Variants in ZNF704 observed in about 807,000 individuals in gnomAD.
The protein encoded by ZNF704 is glucocorticoid induced gene 1.
Under a neutral mutation model 44.7 loss-of-function variants are expected in ZNF704, and 10 were observed. The observed-to-expected ratio is 0.22, with a 90% CI of 0.14 to 0.38. ZNF704 has a LOEUF of 0.38. ZNF704 is among the 10% of genes least tolerant of loss of function. ZNF704 has a pLI of 1.00. For synonymous variants in ZNF704, 211 were observed against 207.6 expected (o/e 1.02, Z -0.14); for missense variants, 390 against 545.5 (o/e 0.71, Z 2.84).
At chr8:80,732,917 G>GCACT (rs1041848709) in intron 2 of ZNF704, among the ~76,000 whole-genome samples, 5 of 138,662 alleles carry the variant, frequency 3.6e-5, no homozygotes. Flanking sequence ...TTGCACCACT[G>GCACT]CACTCCGGCC....
chr8:80,803,193 A>C (rs1293988050), intron 2 of ZNF704, among the ~76,000 whole-genome samples: 1 of 152,184 alleles, frequency 6.6e-6, no homozygotes, highest in Non-Finnish European at 1.5e-5. Context: ...AGAGGACACT[A>C]AACAAATGGA....
At chr8:80,875,407 C>A (rs1020190815), upstream of ZNF704, among the ~76,000 whole-genome samples, 8 of 152,058 alleles carry the variant, frequency 5.3e-5, no homozygotes, top group Non-Finnish European at 1.2e-4. Context: ...TGGGTTCAAG[C>A]GATTCTCCTG....
intron 2 of ZNF704, among the ~76,000 whole-genome samples, chr8:80,697,884 T>C (rs1005108772): frequency 6.6e-6 from 1 of 152,198 alleles, no homozygotes; most frequent in South Asian, 2.1e-4. Flanking sequence ...GTAAGGCAGG[T>C]ATATTATTTT....
At chr8:80,823,158 T>C (rs1808308301) in intron 1 of ZNF704, among the ~76,000 whole-genome samples, 1 of 152,146 alleles carries the variant, frequency 6.6e-6, no homozygotes, top group African/African-American at 2.4e-5. Context: ...GGTCAGGGAA[T>C]TCCCTTTCCT....
intron 2 of ZNF704, among the ~76,000 whole-genome samples, chr8:80,741,150 A>G (rs1339550769): frequency 2.0e-5 from 3 of 152,358 alleles, no homozygotes; most frequent in Admixed American, 6.5e-5. Flanking sequence ...TCTGCCGAAT[A>G]TGGATTCCCA....
intron 2 of ZNF704, among the ~76,000 whole-genome samples, chr8:80,734,483 A>G (rs546523171): frequency 4.6e-5 from 7 of 152,364 alleles, no homozygotes; most frequent in African/African-American, 1.4e-4. Context: ...ACTGTTCAGT[A>G]TAATACTGAA....
At chr8:80,754,478 G>A (rs1278795728) in intron 2 of ZNF704, among the ~76,000 whole-genome samples, 20 of 152,150 alleles carry the variant, frequency 1.3e-4, no homozygotes, top group Admixed American at 1.0e-3. Context: ...TTAAAATTAC[G>A]AAATGATATG....
intron 2 of ZNF704, among the ~76,000 whole-genome samples, chr8:80,759,098 G>GTATCTATCATGAA (rs1223957918): frequency 6.6e-6 from 1 of 152,132 alleles, no homozygotes; most frequent in Non-Finnish European, 1.5e-5. Context: ...TCAGCACTTA[G>GTATCTATCATGAA]TATCTATCAT....
At chr8:80,680,801 G>T (rs73691999) in intron 4 of ZNF704, among the ~76,000 whole-genome samples, 1 of 152,028 alleles carries the variant, frequency 6.6e-6, no homozygotes, top group East Asian at 1.9e-4. Context: ...TGAGAGTAGA[G>T]ATTTTGGATC....
intron 2 of ZNF704, among the ~76,000 whole-genome samples, chr8:80,798,008 A>C (rs1807835706): frequency 6.6e-6 from 1 of 152,172 alleles, no homozygotes; most frequent in Non-Finnish European, 1.5e-5. Context: ...TACTGCTTCA[A>C]CATTTCTTCT....
At position 80,630,138 on chromosome 8, in the gene ZNF704, T is replaced by G. The variant is rs901017309; in HGVS notation, c.*11228A>C. 3.9e-5 allele frequency: 6 copies of G among 152,250 alleles called. No homozygotes were observed. Among genetic ancestry groups the G allele is most frequent in the African/African-American group, 1.4e-4 (6 of 41,464 alleles). 9.4% of individuals were successfully genotyped at this position (152,250 alleles called of 1,614,324 possible). On this transcript the variant is annotated 3_prime_UTR_variant, in exon 9 of 9. Coordinates refer to ENST00000327835, the MANE Select transcript of ZNF704 (RefSeq NM_001033723.3). ...GTGGTAGGTAGCTATGAAAAAAATT[T>G]ACTTGGATTCGATACAAAATACATG...
At chr8:80,703,175 A>G (rs1390490149) in intron 2 of ZNF704, among the ~76,000 whole-genome samples, 1 of 151,856 alleles carries the variant, frequency 6.6e-6, no homozygotes. Flanking sequence ...AACTCTTCCA[A>G]CTCGTGAAAA....
At chr8:80,708,281 C>T (rs1162546951) in intron 2 of ZNF704, among the ~76,000 whole-genome samples, 4 of 152,160 alleles carry the variant, frequency 2.6e-5, no homozygotes, top group African/African-American at 7.2e-5. Context: ...CTTCCCCAAA[C>T]GAATAAGCAG....
chr8:80,759,659 C>A (rs1807095699), intron 2 of ZNF704, among the ~76,000 whole-genome samples: 1 of 152,158 alleles, frequency 6.6e-6, no homozygotes. Context: ...AGACCAACAA[C>A]CCAAAAGGAA....
intron 2 of ZNF704, among the ~76,000 whole-genome samples, chr8:80,754,453 C>T (rs1192096862): frequency 6.6e-6 from 1 of 152,072 alleles, no homozygotes; most frequent in East Asian, 1.9e-4. Flanking sequence ...TTTTGAAAAC[C>T]CTCCACAAAA....
rs33922681 is a variant in ZNF704, at chr8:80,846,401, TACAC to T, written c.-21-24790_-21-24787del. 6.1e-3 allele frequency among the ~76,000 whole-genome samples: 910 copies of T among 148,148 alleles called. 5 individuals are homozygous for T. The highest frequency in any genetic ancestry group is 0.016 in the African/African-American group (643 of 40,460). The stretch of plus-strand genomic sequence containing the variant: ...CAGCTTTTTAAATACAGAGATTTCA[TACAC>T]ACACACACACACACACACACACACG... On this transcript the variant is annotated intron_variant, in intron 1 of 8. Transcript: ENST00000327835.
intron 1 of ZNF704, among the ~76,000 whole-genome samples, chr8:80,844,813 A>AT (rs562955197): frequency 6.6e-6 from 1 of 151,050 alleles, no homozygotes; most frequent in African/African-American, 2.4e-5. Flanking sequence ...AGAAGCTTGA[A>AT]TTTTTTTTCT....
At chr8:80,759,912 C>T (rs1011111614) in intron 2 of ZNF704, among the ~76,000 whole-genome samples, 1 of 152,142 alleles carries the variant, frequency 6.6e-6, no homozygotes. Context: ...TACCACCACA[C>T]CCAGCTAATT....
chr8:80,809,622 G>T (rs920231532), intron 2 of ZNF704, among the ~76,000 whole-genome samples: 2 of 152,120 alleles, frequency 1.3e-5, no homozygotes, highest in African/African-American at 4.8e-5. Context: ...GCCAGTGTAT[G>T]AAAATCAAGA....
Sources: allele counts gnomAD v4.1 joint callset (sites outside exome capture counted in the v4.1 genomes callset), GRCh38; gene constraint gnomAD v4.1.1; transcripts MANE v1.5; gene names NCBI Gene and HGNC (gene_info 2026-07-23, HGNC 2026-07-21).